Variants in PMM2 observed in about 807,000 individuals in gnomAD.
PMM2 encodes mannose-6-phosphate isomerase.
PMM2 carries 35 observed loss-of-function variants against 33.2 expected under a neutral mutation model. That is an observed-to-expected ratio of 1.06 (90% CI 0.81 to 1.40). The LOEUF (loss-of-function observed/expected upper bound fraction) is 1.40, where lower values mean the gene tolerates loss of function less well. Ranked by LOEUF, PMM2 falls within the 40% of genes most tolerant of loss-of-function variation. The pLI is 0.00. For missense variants in PMM2, 386 were observed against 306.0 expected, an observed-to-expected ratio of 1.26 and a Z score of -1.95; for synonymous variants, 153 against 114.7, an observed-to-expected ratio of 1.33 and a Z score of -2.13.
chr16:8,847,396 G>C (rs1009914892), intron 7 of PMM2, among the ~76,000 whole-genome samples: 1 of 119,868 alleles, frequency 8.3e-6, no homozygotes. Flanking sequence ...AAAAAAAACT[G>C]ATGGCTGTGA....
chr16:8,805,390 T>TGGGGTCTTG (rs1321179585), intron 3 of PMM2, among the ~76,000 whole-genome samples: 2 of 151,876 alleles, frequency 1.3e-5, no homozygotes, highest in Non-Finnish European at 2.9e-5. Context: ...TTTAAAAAGA[T>TGGGGTCTTG]GGGGTCTTGC....
intron 7 of PMM2, among the ~76,000 whole-genome samples, chr16:8,830,749 A>C (rs2060804874): frequency 6.6e-6 from 1 of 152,190 alleles, no homozygotes; most frequent in Admixed American, 6.5e-5. Context: ...CATAATTTCT[A>C]ATCTTGTAAC....
At chr16:8,845,514 A>G (rs1011977223) in intron 7 of PMM2, among the ~76,000 whole-genome samples, 1 of 152,058 alleles carries the variant, frequency 6.6e-6, no homozygotes, top group Non-Finnish European at 1.5e-5. Context: ...TCCCCTCCTC[A>G]GTCACTGAGG....
intron 1 of PMM2, among the ~76,000 whole-genome samples, chr16:8,798,994 C>T (rs2060595687): frequency 6.6e-6 from 1 of 152,186 alleles, no homozygotes; most frequent in African/African-American, 2.4e-5. Flanking sequence ...TTTTCTGATT[C>T]TGAAATTCAG....
Position 8,829,645 on chromosome 16 carries a change from C to A in PMM2, c.639+16539C>A, listed in dbSNP as rs191917768. Among the ~76,000 whole-genome samples, 634 of 152,290 alleles carry A rather than the reference C, an allele frequency of 4.2e-3. 4 individuals carry two copies. Among genetic ancestry groups the A allele is most frequent in the South Asian group, 0.011 (55 of 4,828 alleles). On this transcript the variant is annotated intron_variant, in intron 7 of 7. Coordinates refer to ENST00000268261, the MANE Select transcript of PMM2 (RefSeq NM_000303.3). ...TCAAGGTGGGAAGGGACGCCTTCCACCGGGAATTCAAAGGATGGTCTCTGA... is the reference window on the plus strand; with the variant it reads ...TCAAGGTGGGAAGGGACGCCTTCCAACGGGAATTCAAAGGATGGTCTCTGA...
rs1567169757 is a variant in PMM2, at chr16:8,841,491, A to AG, written c.640-6229dup. Reference sequence around the variant, plus strand: ...TCAAGCTTGATGTGTAGGGAAGGGAAGGGGCCTGAATAATCCCTGAGGAGT... The same window carrying AG: ...TCAAGCTTGATGTGTAGGGAAGGGAAGGGGGCCTGAATAATCCCTGAGGAGT... On this transcript the variant is annotated intron_variant, in intron 7 of 7. Transcript: ENST00000268261. 7.0e-5 allele frequency among the ~76,000 whole-genome samples: 9 copies of AG among 128,968 alleles called. No homozygotes were observed. In the East Asian group the frequency reaches 2.1e-3, roughly 30 times the overall value. 84.6% of individuals were successfully genotyped at this position (128,968 alleles called of 152,430 possible).
intron 7 of PMM2, 121 bp downstream of exon 7, chr16:8,813,227 G>A (rs2060687943): frequency 5.3e-6 from 4 of 752,428 alleles, no homozygotes; most frequent in East Asian, 5.2e-5. Context: ...AAACTGAGCA[G>A]TGGCTTCTGT....
chr16:8,823,906 G>A (rs988091487), intron 7 of PMM2, among the ~76,000 whole-genome samples: 7 of 152,172 alleles, frequency 4.6e-5, no homozygotes, highest in African/African-American at 1.7e-4. Context: ...AAAGCAGTCT[G>A]TTTATATTTG....
chr16:8,844,717 G>T (rs970727358), intron 7 of PMM2, among the ~76,000 whole-genome samples: 1 of 152,286 alleles, frequency 6.6e-6, no homozygotes, highest in South Asian at 2.1e-4. Flanking sequence ...GACCGGCGCC[G>T]GTTTTTTGGG....
rs766278490 is a variant in PMM2, at chr16:8,811,638, A to T, written c.448A>T (p.Lys150Ter). 1 of 1,607,128 alleles carries T rather than the reference A, an allele frequency of 6.2e-7. No individual in the cohort carries two copies. The highest frequency in any genetic ancestry group is 1.7e-5 in the Admixed American group (1 of 60,032). ...ERIEFYELDK[K>*]ENIRQKFVAD... The stretch of plus-strand genomic sequence containing the variant: ...ATTGGTATCTTTTTGTTTTTCTCAG[A>T]AAGAAAATATAAGACAAAAGTTTGT... The change falls in exon 6 of 8, where the codon AAA becomes TAA. Residue 150 changes from lysine to a stop codon, truncating the protein, a stop_gained and splice_region_variant. Coordinates refer to ENST00000268261, the MANE Select transcript of PMM2 (RefSeq NM_000303.3). LOFTEE classifies it high-confidence loss of function.
intron 3 of PMM2, 70 bp downstream of exon 3, chr16:8,804,913 A>C: frequency 1.1e-6 from 1 of 950,116 alleles, no homozygotes; most frequent in Non-Finnish European, 1.7e-6. Context: ...TTCACAATGA[A>C]TGCCTCTAGG....
intron 4 of PMM2, chr16:8,808,646 G>A (rs2060659637): frequency 6.6e-6 from 1 of 152,256 alleles, no homozygotes; most frequent in South Asian, 2.1e-4. Flanking sequence ...TTGTTTTGGG[G>A]AAGGCTTTCT....
In PMM2 at chr16:8,813,066, G is replaced by T; in HGVS notation, c.599G>T (p.Gly200Val). 3 of 1,612,004 alleles carry T rather than the reference G, an allele frequency of 1.9e-6. No homozygotes were observed. The highest frequency in any genetic ancestry group is 2.5e-6 in the Non-Finnish European group (3 of 1,177,990). The change falls in exon 7 of 8, where the codon GGT becomes GTT. Residue 200 changes from glycine to valine, a missense_variant. Physicochemically the swap from Gly to Val is moderately radical, Grantham distance 109. Coordinates refer to ENST00000268261, the MANE Select transcript of PMM2 (RefSeq NM_000303.3). The part of the protein sequence containing the change: ...RYCLRHVEND[G>V]YKTIYFFGDK... The stretch of plus-strand genomic sequence containing the variant: ...TGTCTGCGACATGTGGAAAATGACG[G>T]TTATAAGACCATTTATTTCTTTGGA...
At chr16:8,798,085 T>G in intron 1 of PMM2, 137 bp downstream of exon 1, 1 of 805,020 alleles carries the variant, frequency 1.2e-6, no homozygotes, top group South Asian at 1.5e-5. Context: ...AACCCTATTC[T>G]GGGTGCACTG....
chr16:8,846,358 A>T (rs2060925599), intron 7 of PMM2, among the ~76,000 whole-genome samples: 2 of 152,126 alleles, frequency 1.3e-5, no homozygotes, highest in South Asian at 4.1e-4. Context: ...CCTTTTTTCT[A>T]CGGTTGTGTT....
At chr16:8,834,308 C>T (rs950809023) in intron 7 of PMM2, among the ~76,000 whole-genome samples, 2 of 152,116 alleles carry the variant, frequency 1.3e-5, no homozygotes, top group African/African-American at 2.4e-5. Context: ...CCACTGAATA[C>T]TAAGAGCCTG....
At chr16:8,805,733 G>T (rs1370281579) in intron 3 of PMM2, among the ~76,000 whole-genome samples, 1 of 152,000 alleles carries the variant, frequency 6.6e-6, no homozygotes. Flanking sequence ...GGGATTACAG[G>T]CATCCACCAG....
At chr16:8,802,956 A>G (rs1218263874) in intron 2 of PMM2, among the ~76,000 whole-genome samples, 1 of 152,122 alleles carries the variant, frequency 6.6e-6, no homozygotes, top group East Asian at 1.9e-4. Flanking sequence ...CCTTCGCACT[A>G]TTGATATTTT....
intron 7 of PMM2, among the ~76,000 whole-genome samples, chr16:8,841,016 G>C (rs1176622540): frequency 6.6e-6 from 1 of 152,032 alleles, no homozygotes; most frequent in Non-Finnish European, 1.5e-5. Context: ...AGTTCAAATG[G>C]ACTGTACCTA....
Sources: gnomAD v4.1 joint callset for allele counts (sites outside exome capture counted in the v4.1 genomes callset) on GRCh38, gnomAD v4.1.1 for gene constraint, MANE v1.5 for transcripts, NCBI Gene and HGNC (gene_info 2026-07-23, HGNC 2026-07-21) for gene names.